Variants in CRBN observed in about 807,000 individuals in gnomAD.
CRBN encodes the protein cereblon.
CRBN carries 53 observed loss-of-function variants against 62.2 expected under a neutral mutation model. That is an observed-to-expected ratio of 0.85 (90% CI 0.68 to 1.07). CRBN has a LOEUF of 1.07. Ranked by LOEUF, CRBN falls within the 50% of genes least tolerant of loss-of-function variation. CRBN has a pLI of 0.00. For synonymous variants in CRBN, 208 were observed against 176.1 expected (o/e 1.18, Z -1.43); for missense variants, 616 against 531.1 (o/e 1.16, Z -1.57).
chr3:3,155,403 G>A (rs1647225732), intron 6 of CRBN: 1 of 154,588 alleles, frequency 6.5e-6, no homozygotes, highest in Non-Finnish European at 1.4e-5. Flanking sequence ...TAAGGGAAAT[G>A]GCTAGCATTT....
rs539903611 is a variant in CRBN at position 3,165,189 on chromosome 3, G to A, written c.687+2445C>T. ...ATTAGGAGTTGCTTCTTATGGATGA[G>A]CAAATAAAGTGGTTTCTTGAGAAGA... On this transcript the variant is annotated intron_variant, in intron 5 of 10. Transcript: ENST00000231948. 1.4e-4 allele frequency among the ~76,000 whole-genome samples: 22 copies of A among 152,302 alleles called. No homozygotes were observed. In the South Asian group the frequency reaches 4.6e-3, roughly 32 times the overall value.
chr3:3,156,220 G>C lies in CRBN; in HGVS notation c.749C>G (p.Ala250Gly), dbSNP rs762452517. 5.0e-6 allele frequency: 8 copies of C among 1,611,396 alleles called. No individual in the cohort carries two copies. The highest frequency in any genetic ancestry group is 1.7e-4 in the Middle Eastern group (1 of 6,012). The change falls in exon 6 of 11, where the codon GCT (alanine) becomes GGT (glycine). Residue 250 changes from alanine (A) to glycine (G), a missense_variant and splice_region_variant. Physicochemically the swap from Ala to Gly is moderately conservative, Grantham distance 60. Coordinates refer to ENST00000231948, the MANE Select transcript of CRBN (RefSeq NM_016302.4). ...GTAAATTTAAGGTAAGTTACTTACA[G>C]CATCATATAAGGAATACAGCCAGCG... ...WPRWLYSLYD[A>G]ETLMDRIKKQ...
At chr3:3,151,587 G>C (rs1212244125) in intron 10 of CRBN, among the ~76,000 whole-genome samples, 2 of 152,160 alleles carry the variant, frequency 1.3e-5, no homozygotes, top group African/African-American at 4.8e-5. Context: ...CCATGTAATT[G>C]CAACTGTTTC....
chr3:3,150,796 C>T lies in CRBN; in HGVS notation c.*69G>A, dbSNP rs1559237887. 1 of 1,448,946 alleles carries T rather than the reference C, an allele frequency of 6.9e-7. No individual in the cohort carries two copies. Among genetic ancestry groups the T allele is most frequent in the Non-Finnish European group, 9.5e-7 (1 of 1,047,240 alleles). The allele number at this position is 1,448,946 out of a possible 1,614,324, so 89.8% of individuals were successfully genotyped here. ...TGTTTACTTAGGTATGTATCAGAGG[C>T]AATAATTTCCAAAGCAGATCTTAGA... On this transcript the variant is annotated 3_prime_UTR_variant, in exon 11 of 11. Transcript: ENST00000231948.
At position 3,151,025 on chromosome 3, in the gene CRBN, T is replaced by TGG; in HGVS notation, c.1167_1168dup (p.Gln390ProfsTer29). 1 of 1,613,882 alleles carries TGG rather than the reference T, an allele frequency of 6.2e-7. No homozygotes were observed. The highest frequency in any genetic ancestry group is 8.5e-7 in the Non-Finnish European group (1 of 1,179,930). ...AATATGGCTTGCACAGATCTTACAC[T>TGG]GGGCAACAGTCCAGGCATACCTAAG... On this transcript the variant is annotated frameshift_variant, in exon 11 of 11. Transcript: ENST00000231948. LOFTEE classifies it high-confidence loss of function.
At chr3:3,179,449 G>A (rs1021262080) in intron 1 of CRBN, among the ~76,000 whole-genome samples, 172 bp downstream of exon 1, 16 of 152,126 alleles carry the variant, frequency 1.1e-4, no homozygotes, top group Non-Finnish European at 2.2e-4. Context: ...AGAAAGCGCC[G>A]CGACTCCATC....
At position 3,152,843 on chromosome 3, in the gene CRBN, C is replaced by T. The variant is rs1036987207; in HGVS notation, c.1017-256G>A. ...AAATAGTACTTGTTTTTAAAACCCTCCTCAAGACAGACATTGTAAAGAATA... is the reference window on the plus strand; with the variant it reads ...AAATAGTACTTGTTTTTAAAACCCTTCTCAAGACAGACATTGTAAAGAATA... On this transcript the variant is annotated intron_variant, in intron 9 of 10. Coordinates refer to ENST00000231948, the MANE Select transcript of CRBN (RefSeq NM_016302.4). 5.9e-6 allele frequency: 3 copies of T among 510,898 alleles called. No individual in the cohort carries two copies. In the Admixed American group the frequency reaches 9.6e-5, roughly 16 times the overall value. 31.6% of individuals were successfully genotyped at this position (510,898 alleles called of 1,614,324 possible).
rs145264129 is a variant in CRBN, at chr3:3,173,872, G to A, written c.377+187C>T. ...TGAAGGTGAAGAGCTGAGTTAGATG[G>A]TAATGAAATGAACAAAAATACTCCA... On this transcript the variant is annotated intron_variant, in intron 3 of 10. Transcript: ENST00000231948. 6.7e-4 allele frequency: 421 copies of A among 630,356 alleles called. 2 individuals are homozygous for A. Among genetic ancestry groups the A allele is most frequent in the Non-Finnish European group, 1.1e-3 (370 of 350,126 alleles). The allele number at this position is 630,356 out of a possible 1,614,324, so 39.0% of individuals were successfully genotyped here. A position where few individuals can be genotyped will look rare whatever the true frequency, so the allele number is the denominator to read the frequency against.
Position 3,172,868 on chromosome 3 carries a change from T to C in CRBN, c.435A>G (p.Arg145=), listed in dbSNP as rs373026707. ...TCTCAATTCCAAAATCCTGTTCTTCTCGATAGGCATATATCTCTGCTGTTG... is the reference window on the plus strand; with the variant it reads ...TCTCAATTCCAAAATCCTGTTCTTCCCGATAGGCATATATCTCTGCTGTTG... The part of the protein sequence containing the change: ...FGTTAEIYAY[R]EEQDFGIEIV... The change falls in exon 4 of 11, where the codon CGA becomes CGG. Residue 145 remains arginine, a synonymous_variant. Transcript: ENST00000231948. 2 of 1,613,466 alleles carry C rather than the reference T, an allele frequency of 1.2e-6. No individual in the cohort carries two copies. The highest frequency in any genetic ancestry group is 2.7e-5 in the African/African-American group (2 of 74,928).
At chr3:3,179,376 G>A (rs1627185) in intron 1 of CRBN, among the ~76,000 whole-genome samples, 105,332 of 151,970 alleles carry the variant, frequency 0.69, 38,575 homozygotes, top group East Asian at 0.94. Context: ...TGGGTTTCCT[G>A]TTCTTAATAG....
At chr3:3,172,106 G>A (rs1255056058) in intron 4 of CRBN, 1 of 152,256 alleles carries the variant, frequency 6.6e-6, no homozygotes, top group African/African-American at 2.4e-5. Flanking sequence ...ACCCAGCCAT[G>A]ACAGCTTTGT....
intron 10 of CRBN, among the ~76,000 whole-genome samples, chr3:3,151,827 G>GCAAAAAAACAAA (rs1553558824): frequency 1.4e-5 from 2 of 147,590 alleles, no homozygotes; most frequent in Non-Finnish European, 3.0e-5. Context: ...TTAAGCTGAA[G>GCAAAAAAACAAA]CAAACAAACA....
At chr3:3,173,215 G>A (rs1215379927) in intron 3 of CRBN, among the ~76,000 whole-genome samples, 1 of 151,928 alleles carries the variant, frequency 6.6e-6, no homozygotes, top group Non-Finnish European at 1.5e-5. Context: ...ATACCACCAC[G>A]CCTGGCTAAT....
rs375905223 is a variant in CRBN at position 3,152,450 on chromosome 3, T to C, written c.1148+6A>G. ...AAAAAAAAAGCAACCACCACCATAA[T>C]ATTACCCAGGAAACCAGCTGTGTTC... On this transcript the variant is annotated splice_donor_region_variant and intron_variant, in intron 10 of 10. Transcript: ENST00000231948. 5.6e-6 allele frequency: 9 copies of C among 1,612,630 alleles called. No homozygotes were observed. In the African/African-American group the frequency reaches 1.1e-4, roughly 19 times the overall value.
intron 9 of CRBN, 121 bp downstream of exon 9, chr3:3,153,303 T>C: frequency 1.5e-6 from 1 of 665,168 alleles, no homozygotes; most frequent in South Asian, 1.7e-5. Flanking sequence ...ATTCCCTATA[T>C]TTCATTTGCT....
At position 3,154,837 on chromosome 3, in the gene CRBN, TTAAAA is replaced by T. The variant is rs1706811408; in HGVS notation, c.751-11_751-7del. ...ATTCTGTCCATTAAGGTCTCCTTGTTTAAAATAAAGGTAGCCATAATCAAGTTCAT... is the reference window on the plus strand; with the variant it reads ...ATTCTGTCCATTAAGGTCTCCTTGTTTAAAGGTAGCCATAATCAAGTTCAT... On this transcript the variant is annotated splice_region_variant and splice_polypyrimidine_tract_variant and intron_variant, in intron 6 of 10. Coordinates refer to ENST00000231948, the MANE Select transcript of CRBN (RefSeq NM_016302.4). The T allele has an allele frequency of 6.5e-7, 1 of 1,544,822 alleles. No individual in the cohort carries two copies. The highest frequency in any genetic ancestry group is 2.2e-5 in the East Asian group (1 of 44,536).
intron 1 of CRBN, among the ~76,000 whole-genome samples, chr3:3,176,603 G>A (rs1707832997): frequency 6.6e-6 from 1 of 152,212 alleles, no homozygotes. Context: ...GGGTGTGGTT[G>A]TAGGTGCCTG....
intron 1 of CRBN, among the ~76,000 whole-genome samples, chr3:3,176,060 C>T (rs1168389542): frequency 6.6e-6 from 1 of 152,126 alleles, no homozygotes; most frequent in African/African-American, 2.4e-5. Context: ...TTGTACCCTT[C>T]GGAAGCAAAT....
chr3:3,169,758 A>C (rs1474843798), intron 4 of CRBN, among the ~76,000 whole-genome samples: 1 of 152,192 alleles, frequency 6.6e-6, no homozygotes, highest in African/African-American at 2.4e-5. Flanking sequence ...CTTTTTGACT[A>C]ACAATTATTG....
Sources: allele counts gnomAD v4.1 joint callset (sites outside exome capture counted in the v4.1 genomes callset), GRCh38; gene constraint gnomAD v4.1.1; transcripts MANE v1.5; gene names NCBI Gene and HGNC (gene_info 2026-07-23, HGNC 2026-07-21).